Variants in FANCA observed in about 807,000 individuals in gnomAD.
The protein encoded by FANCA is FA complementation group A.
A neutral mutation model predicts 194.3 loss-of-function variants in FANCA; 236 were observed. The observed-to-expected ratio is 1.21, with a 90% confidence interval of 1.09 to 1.35. The LOEUF (loss-of-function observed/expected upper bound fraction) is 1.35, where lower values mean the gene tolerates loss of function less well. Among genes scored for constraint, FANCA ranks in the 40% most tolerant of loss-of-function variants. The probability of loss-of-function intolerance (pLI) is 0.00; values close to 1 mark genes in which losing one functional copy is unlikely to be tolerated. For missense variants in FANCA, 2,628 were observed against 1,813.9 expected, an observed-to-expected ratio of 1.45 and a Z score of -8.15; for synonymous variants, 1,014 against 715.8, an observed-to-expected ratio of 1.42 and a Z score of -6.65.
intron 29 of FANCA, among the ~76,000 whole-genome samples, chr16:89,759,679 C>T (rs901545723): frequency 3.3e-5 from 5 of 152,090 alleles, no homozygotes; most frequent in South Asian, 4.1e-4. Flanking sequence ...GAGGATCACT[C>T]GAGCTCTGGA....
At position 89,746,606 on chromosome 16, in the gene FANCA, G is replaced by T; in HGVS notation, c.3491C>A (p.Pro1164His). ...FILAKCQTKC[P>H]LILTSALVWW... ...CACCAGAGCAGAGGTCAAAATTAAG[G>T]GGCATTTCGTCTGGCACTTGGCCAG... The change falls in exon 35 of 43, where the codon CCC (proline) becomes CAC (histidine). Residue 1164 changes from proline (P) to histidine (H), a missense_variant. Transcript: ENST00000389301. 1 of 1,614,114 alleles carries T rather than the reference G, an allele frequency of 6.2e-7. No homozygotes were observed. The highest frequency in any genetic ancestry group is 8.5e-7 in the Non-Finnish European group (1 of 1,179,998).
chr16:89,803,457 G>A, intron 7 of FANCA, 116 bp from the exon 8 acceptor site: 1 of 917,264 alleles, frequency 1.1e-6, no homozygotes. Context: ...GGCCCACCAG[G>A]ACCCCTGTGA....
intron 21 of FANCA, among the ~76,000 whole-genome samples, chr16:89,775,042 C>T (rs17232868): frequency 3.3e-5 from 5 of 150,648 alleles, no homozygotes; most frequent in Non-Finnish European, 5.9e-5. Flanking sequence ...TTCAGCGAGC[C>T]AAAATCGCGC....
chr16:89,765,276 C>G (rs570627795), intron 27 of FANCA, among the ~76,000 whole-genome samples: 1 of 150,736 alleles, frequency 6.6e-6, no homozygotes, highest in Admixed American at 6.6e-5. Flanking sequence ...AACACACAAC[C>G]CCACGTTTAG....
At chr16:89,757,204 C>T (rs1171346467) in intron 30 of FANCA, among the ~76,000 whole-genome samples, 2 of 152,136 alleles carry the variant, frequency 1.3e-5, no homozygotes, top group Non-Finnish European at 2.9e-5. Context: ...TCAGATGATC[C>T]GCCTGCCTTG....
chr16:89,741,007 A>G, intron 37 of FANCA, 141 bp from the exon 38 acceptor site: 1 of 764,438 alleles, frequency 1.3e-6, no homozygotes, highest in Non-Finnish European at 2.3e-6. Context: ...AAAACTTTCC[A>G]ATCACTTCTA....
chr16:89,768,103 G>A (rs1198147624), intron 26 of FANCA, among the ~76,000 whole-genome samples: 1 of 152,172 alleles, frequency 6.6e-6, no homozygotes, highest in Non-Finnish European at 1.5e-5. Flanking sequence ...GACCAGCTTG[G>A]GCAACACAGT....
intron 17 of FANCA, among the ~76,000 whole-genome samples, chr16:89,780,606 AG>A (rs35784271): frequency 6.9e-6 from 1 of 145,384 alleles, no homozygotes; most frequent in Non-Finnish European, 1.5e-5. Context: ...CCTGGGCAAC[AG>A]GGGAAGTCCC....
At chr16:89,751,319 G>A (rs2038582252) in intron 31 of FANCA, among the ~76,000 whole-genome samples, 1 of 152,050 alleles carries the variant, frequency 6.6e-6, no homozygotes, top group Admixed American at 6.6e-5. Context: ...GGGCAACATG[G>A]CAAAACTCCG....
At chr16:89,754,039 G>A (rs931954655) in intron 30 of FANCA, among the ~76,000 whole-genome samples, 1 of 152,112 alleles carries the variant, frequency 6.6e-6, no homozygotes, top group Admixed American at 6.5e-5. Context: ...GGGACACACA[G>A]CGACACTCTG....
intron 14 of FANCA, among the ~76,000 whole-genome samples, 174 bp from the exon 15 acceptor site, chr16:89,785,138 G>A (rs897679841): frequency 1.3e-5 from 2 of 152,166 alleles, no homozygotes; most frequent in Non-Finnish European, 2.9e-5. Flanking sequence ...GCAGTGTCCG[G>A]GCGGCTGCTG....
At chr16:89,742,724 A>C (rs1247279046) in intron 37 of FANCA, 76 bp downstream of exon 37, 2 of 1,538,374 alleles carry the variant, frequency 1.3e-6, no homozygotes, top group Non-Finnish European at 1.8e-6. Flanking sequence ...AGTTCATCAG[A>C]CAAGCCCAGA....
rs1486237562 is a variant in FANCA, at chr16:89,803,315, C to T, written c.736G>A (p.Gly246Arg). ...CTCAGATCTGAGTTTTTCTGAAATC[C>T]CCTCAAAACAAACATTTGAACAAAA... Reference protein sequence around the residue: ...SDFVQMFVLRGFQKNSDLRRT... With the variant: ...SDFVQMFVLRRFQKNSDLRRT... Residue 246 changes from glycine (G) to arginine (R), a missense_variant, in exon 8 of 43, where the codon GGA becomes AGA. Coordinates refer to ENST00000389301, the MANE Select transcript of FANCA (RefSeq NM_000135.4). The T allele has an allele frequency of 8.1e-6, 13 of 1,614,116 alleles. No homozygotes were observed. Among genetic ancestry groups the T allele is most frequent in the Non-Finnish European group, 1.0e-5 (12 of 1,179,996 alleles).
At chr16:89,759,267 C>G (rs1056284539) in intron 29 of FANCA, among the ~76,000 whole-genome samples, 2 of 130,828 alleles carry the variant, frequency 1.5e-5, no homozygotes, top group African/African-American at 2.9e-5. Context: ...TTGCAGTGAG[C>G]TGAGATCATG....
rs1459779461 is a variant in FANCA, at chr16:89,803,283, A to C, written c.768T>G (p.Thr256=). 6.2e-7 allele frequency: 1 copy of C among 1,614,086 alleles called. No individual in the cohort carries two copies. The highest frequency in any genetic ancestry group is 1.3e-5 in the African/African-American group (1 of 74,942). ...GFQKNSDLRR[T]VEPEKMPQVT... is the part of the protein sequence containing the mutation. Reference sequence around the variant, plus strand: ...CCTGCGGCATTTTTTCAGGCTCCACAGTTCTTCTCAGATCTGAGTTTTTCT... The same window carrying C: ...CCTGCGGCATTTTTTCAGGCTCCACCGTTCTTCTCAGATCTGAGTTTTTCT... The change falls in exon 8 of 43, where the codon ACT becomes ACG. Residue 256 remains threonine (T), a synonymous_variant. Transcript: ENST00000389301.
intron 31 of FANCA, among the ~76,000 whole-genome samples, chr16:89,750,968 T>C (rs887303466): frequency 1.3e-5 from 2 of 152,170 alleles, no homozygotes; most frequent in African/African-American, 2.4e-5. Context: ...TCTTGGCTTA[T>C]GGCAGCCTTG....
intron 14 of FANCA, 42 bp downstream of exon 14, chr16:89,791,361 G>A (rs749257872): frequency 1.9e-6 from 3 of 1,608,866 alleles, no homozygotes; most frequent in Non-Finnish European, 1.7e-6. Flanking sequence ...CAGGCCTTCT[G>A]GGAAGATCAG....
intron 14 of FANCA, chr16:89,790,999 T>G: frequency 3.8e-6 from 1 of 260,102 alleles, no homozygotes; most frequent in South Asian, 4.4e-5. Flanking sequence ...CTGCGTAGTT[T>G]TTGTTTTGTG....
chr16:89,762,717 C>G (rs1381025220), intron 28 of FANCA: 1 of 447,642 alleles, frequency 2.2e-6, no homozygotes, highest in Non-Finnish European at 4.5e-6. Context: ...GCTGCAGACT[C>G]TGCCTCCTGA....
Sources: allele counts gnomAD v4.1 joint callset (sites outside exome capture counted in the v4.1 genomes callset), GRCh38; gene constraint gnomAD v4.1.1; transcripts MANE v1.5; gene names NCBI Gene and HGNC (gene_info 2026-07-23, HGNC 2026-07-21).